The following MTF1 variants were observed in gnomAD, a reference collection of about 807,000 sequenced individuals.
The protein encoded by MTF1 is MRE-binding transcription factor.
Under a neutral mutation model 70.4 loss-of-function variants are expected in MTF1, and 22 were observed. The ratio of observed to expected loss-of-function variants is 0.31; its 90% confidence interval spans 0.22 to 0.45. The LOEUF (loss-of-function observed/expected upper bound fraction) is 0.45. Ranked by LOEUF, MTF1 falls within the 20% of genes least tolerant of loss-of-function variation. MTF1 has a pLI of 1.00. For synonymous variants in MTF1, 333 were observed against 352.8 expected (o/e 0.94, Z 0.63); for missense variants, 649 against 922.0 (o/e 0.70, Z 3.83).
Position 37,840,040 on chromosome 1 carries a change from C to T in MTF1, c.527G>A (p.Gly176Asp), listed in dbSNP as rs1641232454. 1.2e-6 allele frequency: 2 copies of T among 1,614,254 alleles called. No individual in the cohort carries two copies. The highest frequency in any genetic ancestry group is 1.7e-6 in the Non-Finnish European group (2 of 1,180,042). The change falls in exon 3 of 11, where the codon GGC becomes GAC. Residue 176 changes from glycine to aspartate, a missense_variant. By Grantham distance (94) the Gly-to-Asp change is moderately conservative. This residue lies in a region of MTF1 where 118 missense variants were observed against 287.2 expected (regional missense o/e 0.41). Transcript: ENST00000373036. The surrounding 1 kb of genome is among the most constrained non-coding windows in gnomAD (Gnocchi z 4.5). ...GEYTFVCNQE[G>D]CGKAFLTSYS... Reference sequence around the variant, plus strand: ...AGAGGTAAGGAAGGCTTTGCCACAGCCCTCCTGATTACAGACAAAGGTGTA... The same window carrying T: ...AGAGGTAAGGAAGGCTTTGCCACAGTCCTCCTGATTACAGACAAAGGTGTA...
At chr1:37,816,987 G>A (rs920445454) in intron 10 of MTF1, among the ~76,000 whole-genome samples, 2 of 152,166 alleles carry the variant, frequency 1.3e-5, no homozygotes, top group African/African-American at 4.8e-5. Context: ...ATTTTTCTGG[G>A]TCCCAGTGTC....
At position 37,812,348 on chromosome 1, in the gene MTF1, A is replaced by T. The variant is rs1640750901; in HGVS notation, c.*2788T>A. ...GAACTGGAAAAGGAGGGAAAGAAAG[A>T]CTGCCTATCCTGGGAAATAAACCTG... On this transcript the variant is annotated 3_prime_UTR_variant, in exon 11 of 11. Coordinates refer to ENST00000373036, the MANE Select transcript of MTF1 (RefSeq NM_005955.3). 1 of 152,226 alleles carries T rather than the reference A, an allele frequency of 6.6e-6. No individual in the cohort carries two copies. The highest frequency in any genetic ancestry group is 2.4e-5 in the African/African-American group (1 of 41,446). 9.4% of individuals were successfully genotyped at this position (152,226 alleles called of 1,614,324 possible). A position where few individuals can be genotyped will look rare whatever the true frequency, so the allele number is the denominator to read the frequency against.
At chr1:37,845,118 C>A (rs980919043) in intron 2 of MTF1, among the ~76,000 whole-genome samples, 2 of 152,206 alleles carry the variant, frequency 1.3e-5, no homozygotes, top group African/African-American at 4.8e-5. Context: ...ACTTCCGGGA[C>A]TAGCATTGTG....
chr1:37,849,816 G>A (rs536595939), intron 2 of MTF1, among the ~76,000 whole-genome samples: 1 of 152,302 alleles, frequency 6.6e-6, no homozygotes, highest in African/African-American at 2.4e-5. Flanking sequence ...GAGGCCAGAA[G>A]TTCCAGGTTA....
At chr1:37,857,799 A>G in intron 1 of MTF1, 90 bp from the exon 2 acceptor site, 2 of 721,688 alleles carry the variant, frequency 2.8e-6, no homozygotes, top group Non-Finnish European at 2.3e-6. Flanking sequence ...CTCTCACTTA[A>G]AGAGCAAGCC....
chr1:37,815,282 C>G lies in MTF1; in HGVS notation c.2116G>C (p.Asp706His), dbSNP rs201988624. 6.2e-7 allele frequency: 1 copy of G among 1,613,950 alleles called. No individual in the cohort carries two copies. The highest frequency in any genetic ancestry group is 1.3e-5 in the African/African-American group (1 of 74,866). The change falls in exon 11 of 11, where the codon GAC becomes CAC. Residue 706 changes from aspartate (D) to histidine (H), a missense_variant. Coordinates refer to ENST00000373036, the MANE Select transcript of MTF1 (RefSeq NM_005955.3). The surrounding 1 kb of genome is among the most constrained non-coding windows in gnomAD (Gnocchi z 4.5). Reference sequence around the variant, plus strand: ...GCACTTAATGTTTCTGTCTGAGGGTCTGAAGGAGTCTCTGCTTGTCGGCTT... The same window carrying G: ...GCACTTAATGTTTCTGTCTGAGGGTGTGAAGGAGTCTCTGCTTGTCGGCTT... ...EQSRQAETPS[D>H]PQTETLSAMD...
At chr1:37,843,787 GC>G (rs1284737213) in intron 2 of MTF1, among the ~76,000 whole-genome samples, 2 of 152,186 alleles carry the variant, frequency 1.3e-5, no homozygotes, top group Non-Finnish European at 2.9e-5. Context: ...TGGCCTGTAG[GC>G]CACAGTATGC....
In MTF1 at chr1:37,811,773, T is replaced by C. The variant is rs1640740935; in HGVS notation, c.*3363A>G. 1 of 152,326 alleles carries C rather than the reference T, an allele frequency of 6.6e-6. No homozygotes were observed. Among genetic ancestry groups the C allele is most frequent in the South Asian group, 2.1e-4 (1 of 4,830 alleles). 9.4% of individuals were successfully genotyped at this position (152,326 alleles called of 1,614,324 possible). On this transcript the variant is annotated 3_prime_UTR_variant, in exon 11 of 11. Transcript: ENST00000373036. ...GCCCCTTGCCTTTTACTCAGAGAGA[T>C]CTTCACATCTTAAGGCCCCTCCTGG...
At chr1:37,845,145 T>C (rs1430143594) in intron 2 of MTF1, among the ~76,000 whole-genome samples, 1 of 152,222 alleles carries the variant, frequency 6.6e-6, no homozygotes, top group Non-Finnish European at 1.5e-5. Context: ...TGGCGCTTGA[T>C]TTATATTTTT....
intron 9 of MTF1, among the ~76,000 whole-genome samples, chr1:37,818,090 T>A (rs1640846808): frequency 6.6e-6 from 1 of 152,204 alleles, no homozygotes; most frequent in Non-Finnish European, 1.5e-5. Context: ...AAGAGTCTTG[T>A]TTCCCCACCT....
In MTF1 at chr1:37,814,433, A is replaced by G. The variant is rs1331380449; in HGVS notation, c.*703T>C. 1 of 152,432 alleles carries G rather than the reference A, an allele frequency of 6.6e-6. No homozygotes were observed. The highest frequency in any genetic ancestry group is 1.9e-4 in the East Asian group (1 of 5,192). The allele number at this position is 152,432 out of a possible 1,614,324, so 9.4% of individuals were successfully genotyped here. On this transcript the variant is annotated 3_prime_UTR_variant, in exon 11 of 11. Transcript: ENST00000373036. ...AGCCTGCTTTGCACACACGTCATCA[A>G]CAGACAGCAGTCAACAAGCTGCCTA...
intron 7 of MTF1, among the ~76,000 whole-genome samples, chr1:37,830,764 G>A (rs759823858): frequency 1.2e-4 from 19 of 152,312 alleles, no homozygotes; most frequent in Non-Finnish European, 2.5e-4. Flanking sequence ...CCCTTGCAGT[G>A]GATGCAGCTA....
rs138379189 is a variant in MTF1, at chr1:37,850,644, T to C, written c.408+6607A>G. Among the ~76,000 whole-genome samples, 88 of 152,052 alleles carry C rather than the reference T, an allele frequency of 5.8e-4. 2 individuals carry two copies. In the South Asian group the frequency reaches 0.014, roughly 24 times the overall value. On this transcript the variant is annotated intron_variant, in intron 2 of 10. Coordinates refer to ENST00000373036, the MANE Select transcript of MTF1 (RefSeq NM_005955.3). ...AGTAATGAAATAACAAGTATGAGAA[T>C]AAGATACGTGAAATTCGAGTCAGAA...
rs916260673 is a variant in MTF1, at chr1:37,840,763, T to C, written c.409-605A>G. ...AACTTCTTGAAAGGGGAGTCAATTC[T>C]TCACCTCATGGCAGAAGGTTAAGAA... is the stretch of plus-strand genomic sequence containing the variant. On this transcript the variant is annotated intron_variant, in intron 2 of 10. Transcript: ENST00000373036. The surrounding 1 kb of genome is among the most constrained non-coding windows in gnomAD (Gnocchi z 4.5). Among the ~76,000 whole-genome samples the C allele has an allele frequency of 6.6e-6, 1 of 152,120 alleles. No individual in the cohort carries two copies. Among genetic ancestry groups the C allele is most frequent in the African/African-American group, 2.4e-5 (1 of 41,426 alleles).
intron 2 of MTF1, among the ~76,000 whole-genome samples, chr1:37,845,315 C>T (rs931839707): frequency 5.3e-5 from 8 of 152,028 alleles, no homozygotes; most frequent in Non-Finnish European, 8.8e-5. Context: ...AGCTGACTCA[C>T]AAAGTCATAA....
intron 9 of MTF1, 75 bp from the exon 10 acceptor site, chr1:37,817,557 A>G: frequency 1.0e-6 from 1 of 959,350 alleles, no homozygotes; most frequent in African/African-American, 1.6e-5. Flanking sequence ...AGCCTCACCA[A>G]CTGTAATGGT....
rs1434586823 is a variant in MTF1, at chr1:37,809,876, T to C, written c.*5260A>G. The C allele has an allele frequency of 6.6e-6, 1 of 152,598 alleles. No homozygotes were observed. Among genetic ancestry groups the C allele is most frequent in the Non-Finnish European group, 1.5e-5 (1 of 68,032 alleles). The allele number at this position is 152,598 out of a possible 1,614,324, so 9.5% of individuals were successfully genotyped here. A position where few individuals can be genotyped will look rare whatever the true frequency, so the allele number is the denominator to read the frequency against. ...CTTTTACATAATCCAAATAAAACTA[T>C]TTGGGATTTTAAAAGTTGTCACCAA... is the stretch of plus-strand genomic sequence containing the variant. On this transcript the variant is annotated 3_prime_UTR_variant, in exon 11 of 11. Coordinates refer to ENST00000373036, the MANE Select transcript of MTF1 (RefSeq NM_005955.3).
Position 37,840,588 on chromosome 1 carries a change from C to T in MTF1, c.409-430G>A. The T allele has an allele frequency of 2.3e-6, 1 of 436,372 alleles. No individual in the cohort carries two copies. Among genetic ancestry groups the T allele is most frequent in the Non-Finnish European group, 4.6e-6 (1 of 219,572 alleles). The allele number at this position is 436,372 out of a possible 1,614,324, so 27.0% of individuals were successfully genotyped here. Reference sequence around the variant, plus strand: ...TGAGTTTAAAACATCTGGAAATTTACATACTTAATCATCAAACATATTTCC... The same window carrying T: ...TGAGTTTAAAACATCTGGAAATTTATATACTTAATCATCAAACATATTTCC... On this transcript the variant is annotated intron_variant, in intron 2 of 10. Transcript: ENST00000373036. The surrounding 1 kb of genome is among the most constrained non-coding windows in gnomAD (Gnocchi z 4.5).
At chr1:37,847,098 G>A (rs1268069841) in intron 2 of MTF1, among the ~76,000 whole-genome samples, 5 of 152,028 alleles carry the variant, frequency 3.3e-5, no homozygotes, top group African/African-American at 9.7e-5. Context: ...ATCTCATTTC[G>A]ACAGGCCTCC....
Sources: gnomAD v4.1 joint callset for allele counts (sites outside exome capture counted in the v4.1 genomes callset) on GRCh38, gnomAD v4.1.1 for gene constraint, gnomAD v4.1.1 regional missense constraint, Gnocchi (gnomAD v3.1) non-coding constraint, MANE v1.5 for transcripts, NCBI Gene and HGNC (gene_info 2026-07-23, HGNC 2026-07-21) for gene names.